Variants in FUT9 observed in about 807,000 individuals in gnomAD.
FUT9 encodes the protein 4-galactosyl-N-acetylglucosaminide 3-alpha-L-fucosyltransferase 9.
A neutral mutation model predicts 29.7 loss-of-function variants in FUT9; 15 were observed. The ratio of observed to expected loss-of-function variants is 0.51; its 90% CI spans 0.34 to 0.78. The LOEUF (loss-of-function observed/expected upper bound fraction) is 0.78. Ranked by LOEUF, FUT9 falls within the 30% of genes least tolerant of loss-of-function variation. The probability of loss-of-function intolerance (pLI) is 0.01; values close to 1 mark genes in which losing one functional copy is unlikely to be tolerated. For missense variants in FUT9, 319 were observed against 425.4 expected (o/e 0.75, Z 2.20); for synonymous variants, 169 against 153.7 (o/e 1.10, Z -0.74).
At chr6:96,032,959 G>T (rs1455954654) in intron 1 of FUT9, among the ~76,000 whole-genome samples, 2 of 151,618 alleles carry the variant, frequency 1.3e-5, no homozygotes, top group Non-Finnish European at 3.0e-5. Flanking sequence ...TTTGCATCCT[G>T]TTCAACTCGG....
chr6:96,202,264 T>C (rs542652407), intron 2 of FUT9, among the ~76,000 whole-genome samples: 3 of 152,266 alleles, frequency 2.0e-5, no homozygotes, highest in Admixed American at 6.5e-5. Context: ...TCTGCTAAAA[T>C]TCATGACATC....
At chr6:96,090,121 A>G (rs563836381) in intron 1 of FUT9, among the ~76,000 whole-genome samples, 2 of 152,260 alleles carry the variant, frequency 1.3e-5, no homozygotes, top group Non-Finnish European at 2.9e-5. Flanking sequence ...CTTACGGCCC[A>G]TAAGAAAGAG....
intron 2 of FUT9, among the ~76,000 whole-genome samples, chr6:96,153,010 A>G (rs1772706339): frequency 6.6e-6 from 1 of 152,196 alleles, no homozygotes; most frequent in Non-Finnish European, 1.5e-5. Context: ...ACAGTCCTAA[A>G]TGGACTCAGA....
intron 2 of FUT9, among the ~76,000 whole-genome samples, chr6:96,158,319 T>C (rs1462039614): frequency 6.6e-6 from 1 of 152,108 alleles, no homozygotes; most frequent in Non-Finnish European, 1.5e-5. Context: ...TGCAGGTGTA[T>C]GATGTTAAAC....
chr6:96,027,888 C>T (rs2096377676), intron 1 of FUT9, among the ~76,000 whole-genome samples: 1 of 151,388 alleles, frequency 6.6e-6, no homozygotes, highest in Non-Finnish European at 1.5e-5. Flanking sequence ...TTGCTGTTTT[C>T]TTCATAAAAA....
At chr6:96,095,278 T>TA (rs1771475957) in intron 1 of FUT9, among the ~76,000 whole-genome samples, 1 of 152,262 alleles carries the variant, frequency 6.6e-6, no homozygotes, top group Non-Finnish European at 1.5e-5. Flanking sequence ...TCTTAATACT[T>TA]ACAATAATTA....
At chr6:96,036,245 T>G (rs1471141618) in intron 1 of FUT9, among the ~76,000 whole-genome samples, 1 of 151,068 alleles carries the variant, frequency 6.6e-6, no homozygotes, top group Non-Finnish European at 1.5e-5. Flanking sequence ...AACATAATTT[T>G]CATCCAAGAT....
At chr6:96,182,913 C>T (rs1052396143) in intron 2 of FUT9, among the ~76,000 whole-genome samples, 5 of 151,658 alleles carry the variant, frequency 3.3e-5, no homozygotes, top group African/African-American at 7.3e-5. Context: ...GTCTTGCTTC[C>T]GCTATGCAGA....
intron 2 of FUT9, among the ~76,000 whole-genome samples, chr6:96,132,649 C>A (rs1451750690): frequency 6.6e-6 from 1 of 152,016 alleles, no homozygotes; most frequent in Non-Finnish European, 1.5e-5. Context: ...AGGTACTCAA[C>A]TTTATTATGC....
At chr6:96,099,434 C>T (rs1771550970) in intron 1 of FUT9, among the ~76,000 whole-genome samples, 1 of 152,022 alleles carries the variant, frequency 6.6e-6, no homozygotes, top group East Asian at 1.9e-4. Flanking sequence ...TGTTTTCCTC[C>T]TTTATATGTA....
intron 2 of FUT9, among the ~76,000 whole-genome samples, chr6:96,116,446 T>C (rs576661605): frequency 6.3e-4 from 96 of 152,290 alleles, no homozygotes; most frequent in African/African-American, 2.2e-3. Flanking sequence ...CCCAAGTGAA[T>C]TGAAAAACAT....
chr6:96,189,163 G>A (rs1773459823), intron 2 of FUT9, among the ~76,000 whole-genome samples: 1 of 152,000 alleles, frequency 6.6e-6, no homozygotes, highest in African/African-American at 2.4e-5. Flanking sequence ...CAGTAGAACT[G>A]AGAGCTAAAA....
chr6:96,084,358 A>G (rs1235298347), intron 1 of FUT9, among the ~76,000 whole-genome samples: 1 of 152,110 alleles, frequency 6.6e-6, no homozygotes, highest in Non-Finnish European at 1.5e-5. Flanking sequence ...AAAGCGCTCT[A>G]AGAAGAAAGC....
At chr6:96,057,295 G>A (rs1377915480) in intron 1 of FUT9, among the ~76,000 whole-genome samples, 1 of 152,118 alleles carries the variant, frequency 6.6e-6, no homozygotes, top group Non-Finnish European at 1.5e-5. Context: ...ACCTAGAAGA[G>A]TGGTAAAATA....
chr6:96,137,944 G>A (rs375456865), intron 2 of FUT9, among the ~76,000 whole-genome samples: 11 of 152,024 alleles, frequency 7.2e-5, no homozygotes, highest in African/African-American at 2.4e-4. Context: ...ATGCCTGAAG[G>A]TTTAGTCTAA....
intron 1 of FUT9, among the ~76,000 whole-genome samples, chr6:96,020,392 G>A (rs1300686547): frequency 6.6e-6 from 1 of 152,052 alleles, no homozygotes; most frequent in African/African-American, 2.4e-5. Flanking sequence ...CACAGAGAAG[G>A]TTTCGTATCC....
intron 2 of FUT9, among the ~76,000 whole-genome samples, chr6:96,138,155 T>C: frequency 6.6e-6 from 1 of 152,190 alleles, no homozygotes; most frequent in Non-Finnish European, 1.5e-5. Flanking sequence ...GAGTTACTCA[T>C]GCCCTCTCTT....
intron 1 of FUT9, among the ~76,000 whole-genome samples, chr6:96,104,696 C>T (rs906599603): frequency 6.6e-6 from 1 of 151,824 alleles, no homozygotes; most frequent in African/African-American, 2.4e-5. Context: ...ACGCCCGGCA[C>T]ATTTTTTGTG....
rs185147269 is a variant in FUT9, at chr6:96,166,816, C to A, written c.-8-36332C>A. On this transcript the variant is annotated intron_variant, in intron 2 of 2. Coordinates refer to ENST00000302103, the MANE Select transcript of FUT9 (RefSeq NM_006581.4). Reference sequence around the variant, plus strand: ...TATACATTGTACTATTTGTATATAACCCCTGCACATCCTCCCATACTCTTT... The same window carrying A: ...TATACATTGTACTATTTGTATATAAACCCTGCACATCCTCCCATACTCTTT... Among the ~76,000 whole-genome samples, 1,127 of 152,126 alleles carry A rather than the reference C, an allele frequency of 7.4e-3. 1 individual carries two copies. Among genetic ancestry groups the A allele is most frequent in the Non-Finnish European group, 0.012 (846 of 67,974 alleles).
Sources: allele counts gnomAD v4.1 joint callset (sites outside exome capture counted in the v4.1 genomes callset), GRCh38; gene constraint gnomAD v4.1.1; transcripts MANE v1.5; gene names NCBI Gene and HGNC (gene_info 2026-07-23, HGNC 2026-07-21).